SF1: variants seen among roughly 807,000 people sequenced by gnomAD.
The protein encoded by SF1 is branch point-binding protein.
Under a neutral mutation model 62.5 loss-of-function variants are expected in SF1, and 7 were observed. The observed-to-expected ratio is 0.11, with a 90% CI of 0.06 to 0.21. The LOEUF is 0.21. Among genes scored for constraint, SF1 ranks in the 10% least tolerant of loss-of-function variants. The probability of loss-of-function intolerance (pLI) is 1.00; values close to 1 mark genes in which losing one functional copy is unlikely to be tolerated. For synonymous variants in SF1, 394 were observed against 323.6 expected (o/e 1.22, Z -2.33); for missense variants, 578 against 884.0 (o/e 0.65, Z 4.39).
intron 1 of SF1, chr11:64,777,687 C>T (rs1175753737): frequency 3.0e-6 from 3 of 985,538 alleles, no homozygotes; most frequent in Non-Finnish European, 3.6e-6. Context: ...TTCCCGACAC[C>T]AGCGGACTGG....
intron 3 of SF1, chr11:64,772,506 G>A (rs1436712438): frequency 1.0e-6 from 1 of 984,774 alleles, no homozygotes; most frequent in Non-Finnish European, 1.2e-6. Flanking sequence ...GACTTCTAAA[G>A]CCATTACATC....
At position 64,768,303 on chromosome 11, in the gene SF1, G is replaced by A. The variant is rs1419784641; in HGVS notation, c.888-17C>T. The stretch of plus-strand genomic sequence containing the variant: ...TCACCAGGCCTGAAGTGGGGTGGGG[G>A]ACACAAACAGAGAAAGGGGAAAAAC... On this transcript the variant is annotated splice_polypyrimidine_tract_variant and intron_variant, in intron 8 of 12. Transcript: ENST00000377390. 6.2e-7 allele frequency: 1 copy of A among 1,608,102 alleles called. No individual in the cohort carries two copies.
rs1937868317 is a variant in SF1 at position 64,769,098 on chromosome 11, G to A, written c.811C>T (p.Arg271Cys). 7 of 1,614,094 alleles carry A rather than the reference G, an allele frequency of 4.3e-6. No individual in the cohort carries two copies. Among genetic ancestry groups the A allele is most frequent in the East Asian group, 2.2e-5 (1 of 44,894 alleles). Reference protein sequence around the residue: ...ILRPWQSSETRSITNTTVCTK... With the variant: ...ILRPWQSSETCSITNTTVCTK... ...CACACTGTGGTGTTGGTAATGCTGC[G>A]GGTCTCTGAGCTCTGCCAGGGTCTT... The change falls in exon 8 of 13, where the codon CGC becomes TGC. Residue 271 changes from arginine to cysteine, a missense_variant. Arg to Cys is a radical substitution (Grantham distance 180). Coordinates refer to ENST00000377390, the MANE Select transcript of SF1 (RefSeq NM_004630.4).
At chr11:64,777,718 G>C in intron 1 of SF1, 1 of 985,600 alleles carries the variant, frequency 1.0e-6, no homozygotes, top group Non-Finnish European at 1.2e-6. Context: ...TGGGCCCCCA[G>C]TCTATACAGT....
chr11:64,767,949 C>T, intron 9 of SF1, 105 bp from the exon 10 acceptor site: 15 of 1,495,044 alleles, frequency 1.0e-5, no homozygotes, highest in South Asian at 1.2e-5. Context: ...AAGGTCTTCC[C>T]GAAGTGAGAA....
chr11:64,768,132 C>T lies in SF1; in HGVS notation c.1042G>A (p.Ala348Thr). Reference sequence around the variant, plus strand: ...GGTGGAGGTGGGTTGTTGGCGGGAGCAGCAGGACGAGGTGCGCTGGCCAGG... The same window carrying T: ...GGTGGAGGTGGGTTGTTGGCGGGAGTAGCAGGACGAGGTGCGCTGGCCAGG... ...TPLASAPRPA[A>T]PANNPPPPSL... Residue 348 changes from alanine to threonine, a missense_variant, in exon 9 of 13, where the codon GCT becomes ACT. This residue lies in a region of SF1 where 410 missense variants were observed against 452.4 expected (regional missense o/e 0.91). Coordinates refer to ENST00000377390, the MANE Select transcript of SF1 (RefSeq NM_004630.4). 1 of 1,612,006 alleles carries T rather than the reference C, an allele frequency of 6.2e-7. No individual in the cohort carries two copies. The highest frequency in any genetic ancestry group is 8.5e-7 in the Non-Finnish European group (1 of 1,179,016).
chr11:64,776,376 T>C (rs1220522804), intron 2 of SF1, 122 bp downstream of exon 2: 18 of 1,060,782 alleles, frequency 1.7e-5, no homozygotes, highest in Non-Finnish European at 2.6e-5. Context: ...GATACCAAAG[T>C]CGTGAAAGTA....
At chr11:64,770,722 C>A (rs1198976120) in intron 3 of SF1, 3 of 223,226 alleles carry the variant, frequency 1.3e-5, no homozygotes, top group Non-Finnish European at 2.6e-5. Flanking sequence ...GTATCATCCC[C>A]TGGAGTCTTC....
intron 1 of SF1, 129 bp downstream of exon 1, chr11:64,778,233 C>T: frequency 1.7e-6 from 2 of 1,191,332 alleles, no homozygotes; most frequent in Non-Finnish European, 2.1e-6. Context: ...CCCATCGAGC[C>T]CACGGGCGGG....
Position 64,765,251 on chromosome 11 carries a change from G to C in SF1, c.*567C>G. 1 of 494,924 alleles carries C rather than the reference G, an allele frequency of 2.0e-6. No individual in the cohort carries two copies. The allele number at this position is 494,924 out of a possible 1,614,324, so 30.7% of individuals were successfully genotyped here. A position where few individuals can be genotyped will look rare whatever the true frequency, so the allele number is the denominator to read the frequency against. On this transcript the variant is annotated 3_prime_UTR_variant, in exon 13 of 13. Transcript: ENST00000377390. ...AGGGAAAGGAATCTAAATTGCAGCA[G>C]AAGACCGGGGAGAGCATCTCCTTGG...
In SF1 at chr11:64,767,615, T is replaced by C. The variant is rs143594338; in HGVS notation, c.1298A>G (p.Asn433Ser). Residue 433 changes from asparagine (N) to serine (S), a missense_variant, in exon 10 of 13, where the codon AAC becomes AGC. Around this residue, in one of 7 missense-constraint regions of SF1, gnomAD observed 410 missense variants for 452.4 expected, o/e 0.91. Coordinates refer to ENST00000377390, the MANE Select transcript of SF1 (RefSeq NM_004630.4). ...PWMQPPPPPM[N>S]QGPHPPGHHG... ...GTGCCCAGGAGGGTGGGGGCCCTGG[T>C]TCATCGGTGGTGGTGGTGGCTGCAT... 98 of 1,585,398 alleles carry C rather than the reference T, an allele frequency of 6.2e-5. No individual in the cohort carries two copies. Among genetic ancestry groups the C allele is most frequent in the Non-Finnish European group, 8.1e-5 (94 of 1,166,820 alleles).
chr11:64,770,151 G>T, intron 4 of SF1, 98 bp from the exon 5 acceptor site: 1 of 1,548,530 alleles, frequency 6.5e-7, no homozygotes, highest in African/African-American at 1.4e-5. Flanking sequence ...CTAATTATGG[G>T]TGACTTGAGG....
chr11:64,769,649 TCA>T, intron 5 of SF1, 40 bp from the exon 6 acceptor site: 1 of 1,566,768 alleles, frequency 6.4e-7, no homozygotes, highest in Non-Finnish European at 8.7e-7. Flanking sequence ...CCTGACAAAT[TCA>T]CACTCAAGAG....
chr11:64,768,849 G>A (rs1165956741), intron 8 of SF1, among the ~76,000 whole-genome samples, 173 bp downstream of exon 8: 1 of 152,000 alleles, frequency 6.6e-6, no homozygotes, highest in African/African-American at 2.4e-5. Flanking sequence ...AACAAACAGG[G>A]GTATCTGTAC....
chr11:64,777,848 AG>A, intron 1 of SF1: 1 of 925,870 alleles, frequency 1.1e-6, no homozygotes, highest in African/African-American at 2.0e-5. Flanking sequence ...GCGCGCGCCC[AG>A]GGGCGCCTCC....
Position 64,778,389 on chromosome 11 carries a change from C to G in SF1, c.4G>C (p.Ala2Pro), listed in dbSNP as rs1435651097. 2 of 1,228,748 alleles carry G rather than the reference C, an allele frequency of 1.6e-6. No homozygotes were observed. Among genetic ancestry groups the G allele is most frequent in the Non-Finnish European group, 2.0e-6 (2 of 984,964 alleles). The allele number at this position is 1,228,748 out of a possible 1,614,324, so 76.1% of individuals were successfully genotyped here. Residue 2 changes from alanine to proline, a missense_variant, in exon 1 of 13, where the codon GCG (alanine) becomes CCG (proline). By Grantham distance (27) the Ala-to-Pro change is conservative (BLOSUM62 -1). Coordinates refer to ENST00000377390, the MANE Select transcript of SF1 (RefSeq NM_004630.4). M[A>P]TGANATPLDF... ...AACGGCGTGGCGTTCGCTCCGGTCG[C>G]CATGGCGCCCCCGGGGACAGGCACC...
At position 64,778,483 on chromosome 11, in the gene SF1, C is replaced by T; in HGVS notation, c.-91G>A. On this transcript the variant is annotated 5_prime_UTR_variant, in exon 1 of 13. Coordinates refer to ENST00000377390, the MANE Select transcript of SF1 (RefSeq NM_004630.4). ...CCCGGGGGGAGGGGACCCGAATGCG[C>T]TGCCGGAGCGCGCGGAGCCCGTCCT... 6.7e-6 allele frequency: 8 copies of T among 1,200,342 alleles called. No individual in the cohort carries two copies. Among genetic ancestry groups the T allele is most frequent in the Non-Finnish European group, 8.3e-6 (8 of 966,824 alleles). 74.4% of individuals were successfully genotyped at this position (1,200,342 alleles called of 1,614,324 possible).
chr11:64,772,453 A>G, intron 3 of SF1: 1 of 985,320 alleles, frequency 1.0e-6, no homozygotes, highest in Non-Finnish European at 1.2e-6. Context: ...CAAGGAAGTT[A>G]ATGTTTCCTG....
chr11:64,765,175 C>A lies in SF1; in HGVS notation c.*643G>T. On this transcript the variant is annotated 3_prime_UTR_variant, in exon 13 of 13. Transcript: ENST00000377390. ...TGACATGAATGGCCAAAGCCCTTGC[C>A]CAAAACCATTTGCTCCCCTCTCCTT... 1 of 358,666 alleles carries A rather than the reference C, an allele frequency of 2.8e-6. No individual in the cohort carries two copies. The highest frequency in any genetic ancestry group is 5.5e-5 in the South Asian group (1 of 18,044). 22.2% of individuals were successfully genotyped at this position (358,666 alleles called of 1,614,324 possible).
Sources: gnomAD v4.1 joint callset for allele counts (sites outside exome capture counted in the v4.1 genomes callset) on GRCh38, gnomAD v4.1.1 for gene constraint, gnomAD v4.1.1 regional missense constraint, MANE v1.5 for transcripts, NCBI Gene and HGNC (gene_info 2026-07-23, HGNC 2026-07-21) for gene names.